The following PCDHGA3 variants were observed in gnomAD, a reference collection of about 807,000 sequenced individuals.
PCDHGA3 encodes the protein protocadherin gamma-A3.
Under a neutral mutation model 58.5 loss-of-function variants are expected in PCDHGA3, and 40 were observed. The observed-to-expected ratio is 0.68, with a 90% CI of 0.53 to 0.89. The LOEUF (loss-of-function observed/expected upper bound fraction) is 0.89. Ranked by LOEUF, PCDHGA3 falls within the 40% of genes least tolerant of loss-of-function variation. The probability of loss-of-function intolerance (pLI) is 0.00; values close to 1 mark genes in which losing one functional copy is unlikely to be tolerated. For missense variants in PCDHGA3, 1,223 were observed against 1,195.9 expected (o/e 1.02, Z -0.33); for synonymous variants, 530 against 525.7 (o/e 1.01, Z -0.11).
Position 141,476,559 on chromosome 5 carries a change from T to C in PCDHGA3, c.2425-18248T>C. The stretch of plus-strand genomic sequence containing the variant: ...ATGAAATTGGAGATTAGCGAGGCCG[T>C]GGCTCCGGGGACGCGCTTTCCGCTC... On this transcript the variant is annotated intron_variant, in intron 1 of 3. Coordinates refer to ENST00000253812, the MANE Select transcript of PCDHGA3 (RefSeq NM_018916.4). This position sits in a 1 kb window ranked among gnomAD's most constrained non-coding sequence, Gnocchi z 7.6. 4 of 1,614,228 alleles carry C rather than the reference T, an allele frequency of 2.5e-6. No homozygotes were observed. Among genetic ancestry groups the C allele is most frequent in the Non-Finnish European group, 3.4e-6 (4 of 1,180,036 alleles).
rs2091498902 is a variant in PCDHGA3 at position 141,388,801 on chromosome 5, A to G, written c.2424+42344A>G. The G allele has an allele frequency of 1.9e-6, 3 of 1,613,940 alleles. No homozygotes were observed. The East Asian group carries it at 6.7e-5, about 36-fold the overall frequency. On this transcript the variant is annotated intron_variant, in intron 1 of 3. Coordinates refer to ENST00000253812, the MANE Select transcript of PCDHGA3 (RefSeq NM_018916.4). Reference sequence around the variant, plus strand: ...GAAATTACTGTTTTAAATACATTAGATTTTGAAGAAGTCAAAGAATATTCC... The same window carrying G: ...GAAATTACTGTTTTAAATACATTAGGTTTTGAAGAAGTCAAAGAATATTCC...
chr5:141,482,747 G>T lies in PCDHGA3; in HGVS notation c.2425-12060G>T, dbSNP rs182945398. On this transcript the variant is annotated intron_variant, in intron 1 of 3. Transcript: ENST00000253812. ...CATTGCAAGAAATTCCATGCAGAGG[G>T]ATTATGGTATTTCATTATCACTGAA... Among the ~76,000 whole-genome samples, 567 of 128,410 alleles carry T rather than the reference G, an allele frequency of 4.4e-3. 2 individuals carry two copies. The highest frequency in any genetic ancestry group is 0.019 in the African/African-American group (533 of 28,666). The allele number at this position is 128,410 out of a possible 152,430, so 84.2% of individuals were successfully genotyped here. A position where few individuals can be genotyped will look rare whatever the true frequency, so the allele number is the denominator to read the frequency against.
At chr5:141,356,746 G>C in intron 1 of PCDHGA3, 1 of 1,613,970 alleles carries the variant, frequency 6.2e-7, no homozygotes, top group Non-Finnish European at 8.5e-7. Context: ...GATCCTATAT[G>C]CTCTTTGCTC....
intron 1 of PCDHGA3, among the ~76,000 whole-genome samples, chr5:141,451,717 A>G (rs2098722445): frequency 6.6e-6 from 1 of 152,166 alleles, no homozygotes; most frequent in Non-Finnish European, 1.5e-5. Context: ...CCCTGCCTCT[A>G]CTAAAAATAC....
intron 1 of PCDHGA3, chr5:141,410,849 CTT>C (rs759346998): frequency 0.032 from 4,298 of 136,266 alleles, no homozygotes; most frequent in South Asian, 0.069. Flanking sequence ...TTGTCTTTGT[CTT>C]TTTTTTTTTT....
In PCDHGA3 at chr5:141,470,146, A is replaced by G. The variant is rs181633492; in HGVS notation, c.2425-24661A>G. On this transcript the variant is annotated intron_variant, in intron 1 of 3. Coordinates refer to ENST00000253812, the MANE Select transcript of PCDHGA3 (RefSeq NM_018916.4). ...TTCGTCTCAAAAAAAAAGATCATAG[A>G]TCATCTTATCAAATCAAAGTATGCA... Among the ~76,000 whole-genome samples, 102 of 152,308 alleles carry G rather than the reference A, an allele frequency of 6.7e-4. 2 individuals carry two copies. Among genetic ancestry groups the G allele is most frequent in the African/African-American group, 2.4e-3 (99 of 41,558 alleles).
chr5:141,441,179 C>G (rs150511376), intron 1 of PCDHGA3: 13 of 152,210 alleles, frequency 8.5e-5, no homozygotes, highest in South Asian at 2.1e-4. Context: ...ACTTCTAATT[C>G]CACAATGATT....
Position 141,345,496 on chromosome 5 carries a change from C to G in PCDHGA3, c.1463C>G (p.Thr488Ser). 2 of 1,614,182 alleles carry G rather than the reference C, an allele frequency of 1.2e-6. No individual in the cohort carries two copies. The highest frequency in any genetic ancestry group is 1.7e-6 in the Non-Finnish European group (2 of 1,180,008). The change falls in exon 1 of 4, where the codon ACT becomes AGT. Residue 488 changes from threonine (T) to serine (S), a missense_variant. This residue lies in a region of PCDHGA3 where 791 missense variants were observed against 708.5 expected (regional missense o/e 1.12). Transcript: ENST00000253812. ...GATAGCAACAACAACGCCCGCATCA[C>G]TTATGCATTGACCGAGGACACTCTC... Reference protein sequence around the residue: ...DPDSNNNARITYALTEDTLQG... With the variant: ...DPDSNNNARISYALTEDTLQG...
intron 1 of PCDHGA3, chr5:141,370,604 A>G (rs1263925299): frequency 6.2e-7 from 1 of 1,613,888 alleles, no homozygotes; most frequent in Non-Finnish European, 8.5e-7. Flanking sequence ...GGGTTATTGC[A>G]GAGAAGAAAT....
chr5:141,354,058 A>C (rs901955724), intron 1 of PCDHGA3, among the ~76,000 whole-genome samples: 3 of 152,234 alleles, frequency 2.0e-5, no homozygotes, highest in African/African-American at 7.2e-5. Context: ...ATGATAATCC[A>C]TGTTCGGCTA....
intron 1 of PCDHGA3, chr5:141,418,096 G>A (rs772001018): frequency 6.2e-7 from 1 of 1,614,078 alleles, no homozygotes; most frequent in East Asian, 2.2e-5. Context: ...GCGTAGACGC[G>A]CAGAGCGGGG....
chr5:141,451,414 A>G (rs934393544), intron 1 of PCDHGA3, among the ~76,000 whole-genome samples: 2 of 152,108 alleles, frequency 1.3e-5, no homozygotes, highest in African/African-American at 2.4e-5. Flanking sequence ...TTCCTTGTGG[A>G]TTGTTAGACT....
chr5:141,420,238 T>C, intron 1 of PCDHGA3: 2 of 1,594,838 alleles, frequency 1.3e-6, no homozygotes, highest in South Asian at 1.1e-5. Context: ...GCATTTTAAC[T>C]CCCAGCGTTG....
chr5:141,408,609 AG>A, intron 1 of PCDHGA3: 3 of 1,614,088 alleles, frequency 1.9e-6, no homozygotes, highest in Non-Finnish European at 1.7e-6. Context: ...TTTGATAAAA[AG>A]GAAATACATT....
rs1025985501 is a variant in PCDHGA3 at position 141,432,385 on chromosome 5, C to G, written c.2425-62422C>G. 2.5e-6 allele frequency: 4 copies of G among 1,614,138 alleles called. No homozygotes were observed. In the African/African-American group the frequency reaches 5.3e-5, roughly 22 times the overall value. Reference sequence around the variant, plus strand: ...CGCGGGACAACGGGCACCCGCCCCTCAGCAGCAACGTGTCGTTGAGCCTGT... The same window carrying G: ...CGCGGGACAACGGGCACCCGCCCCTGAGCAGCAACGTGTCGTTGAGCCTGT... On this transcript the variant is annotated intron_variant, in intron 1 of 3. Transcript: ENST00000253812. The surrounding 1 kb of genome is among the most constrained non-coding windows in gnomAD (Gnocchi z 6.0).
Position 141,475,863 on chromosome 5 carries a change from C to G in PCDHGA3, c.2425-18944C>G, listed in dbSNP as rs1037784260. On this transcript the variant is annotated intron_variant, in intron 1 of 3. Transcript: ENST00000253812. ...TCAGAGAGCCCGGCGCTAGCTCATT[C>G]TTCGTGCAGTTATTGGCTGGGACTC... is the stretch of plus-strand genomic sequence containing the variant. 1.4e-5 allele frequency: 7 copies of G among 499,790 alleles called. 1 individual carries two copies. The highest frequency in any genetic ancestry group is 1.4e-4 in the African/African-American group (7 of 51,600). The allele number at this position is 499,790 out of a possible 1,614,324, so 31.0% of individuals were successfully genotyped here. A position where few individuals can be genotyped will look rare whatever the true frequency, so the allele number is the denominator to read the frequency against.
intron 1 of PCDHGA3, chr5:141,399,287 C>A: frequency 6.2e-7 from 1 of 1,613,912 alleles, no homozygotes; most frequent in Non-Finnish European, 8.5e-7. Context: ...GGCGAAGTCC[C>A]TTTTAAGATT....
chr5:141,477,778 C>A lies in PCDHGA3; in HGVS notation c.2425-17029C>A. The stretch of plus-strand genomic sequence containing the variant: ...TCCTAGCCACCAACATCAGCGTGAA[C>A]ATATTTGTCACTGATCGCAATGACA... On this transcript the variant is annotated intron_variant, in intron 1 of 3. Coordinates refer to ENST00000253812, the MANE Select transcript of PCDHGA3 (RefSeq NM_018916.4). The surrounding 1 kb of genome is among the most constrained non-coding windows in gnomAD (Gnocchi z 4.9). The A allele has an allele frequency of 6.2e-7, 1 of 1,614,052 alleles. No individual in the cohort carries two copies. The highest frequency in any genetic ancestry group is 8.5e-7 in the Non-Finnish European group (1 of 1,180,040).
At chr5:141,400,538 A>G (rs994052728) in intron 1 of PCDHGA3, 1 of 1,613,662 alleles carries the variant, frequency 6.2e-7, no homozygotes, top group African/African-American at 1.3e-5. Context: ...AGTTTCATTT[A>G]TGTCTATTCT....
Sources: allele counts gnomAD v4.1 joint callset (sites outside exome capture counted in the v4.1 genomes callset), GRCh38; gene constraint gnomAD v4.1.1; regional missense constraint gnomAD v4.1.1; non-coding constraint Gnocchi (gnomAD v3.1); transcripts MANE v1.5; gene names NCBI Gene and HGNC (gene_info 2026-07-23, HGNC 2026-07-21).